MFSD2A: variants seen among roughly 807,000 people sequenced by gnomAD.
The protein encoded by MFSD2A is sodium-dependent lysophosphatidylcholine symporter 1.
In MFSD2A, 27 loss-of-function variants were observed where a neutral mutation model predicts 64.7. The observed-to-expected ratio is 0.42, with a 90% CI of 0.31 to 0.58. MFSD2A has a LOEUF of 0.58. MFSD2A is among the 20% of genes least tolerant of loss of function. The pLI is 0.18. For missense variants in MFSD2A, 474 were observed against 679.5 expected (o/e 0.70, Z 3.36); for synonymous variants, 258 against 273.4 (o/e 0.94, Z 0.55).
chr1:39,967,948 T>C (rs1645199879), intron 11 of MFSD2A, 32 bp downstream of exon 11: 2 of 1,399,726 alleles, frequency 1.4e-6, no homozygotes, highest in Non-Finnish European at 2.0e-6. Flanking sequence ...TCCTCGGGTA[T>C]CTCCAGCCCC....
chr1:39,966,074 T>C, intron 6 of MFSD2A, 60 bp downstream of exon 6: 8 of 1,586,570 alleles, frequency 5.0e-6, no homozygotes, highest in Non-Finnish European at 6.9e-6. Flanking sequence ...TGGTTTGTAG[T>C]CATCCTAAAG....
chr1:39,958,573 A>C lies in MFSD2A; in HGVS notation c.229-128A>C. ...AGGCAAGTGAAGATGTGTAAGGTCC[A>C]TGTGGGAGCAGCTCAGGGTCACAAG... On this transcript the variant is annotated intron_variant, in intron 2 of 13. Transcript: ENST00000372811. The surrounding 1 kb of genome is among the most constrained non-coding windows in gnomAD (Gnocchi z 4.7). 2 of 1,427,864 alleles carry C rather than the reference A, an allele frequency of 1.4e-6. No individual in the cohort carries two copies. The highest frequency in any genetic ancestry group is 2.0e-6 in the Non-Finnish European group (2 of 1,016,004). The allele number at this position is 1,427,864 out of a possible 1,614,324, so 88.4% of individuals were successfully genotyped here.
In MFSD2A at chr1:39,960,145, G is replaced by A. The variant is rs1478013958; in HGVS notation, c.353+1320G>A. On this transcript the variant is annotated intron_variant, in intron 3 of 13. Coordinates refer to ENST00000372811, the MANE Select transcript of MFSD2A (RefSeq NM_032793.5). This position sits in a 1 kb window ranked among gnomAD's most constrained non-coding sequence, Gnocchi z 4.8. ...GCAAAGTAGGCGGAGGTGGTGCCAC[G>A]GATCGGATCAGACGGCAGGGGAGAC... Among the ~76,000 whole-genome samples the A allele has an allele frequency of 3.3e-5, 5 of 152,346 alleles. No homozygotes were observed. Among genetic ancestry groups the A allele is most frequent in the African/African-American group, 9.6e-5 (4 of 41,590 alleles).
Position 39,958,877 on chromosome 1 carries a change from T to G in MFSD2A, c.353+52T>G, listed in dbSNP as rs1644979566. On this transcript the variant is annotated intron_variant, in intron 3 of 13. Transcript: ENST00000372811. This position sits in a 1 kb window ranked among gnomAD's most constrained non-coding sequence, Gnocchi z 4.7. Reference sequence around the variant, plus strand: ...GGCACAAGGCAGGACTTCCAGCATATCTGCTCCTTGGTCCTTCTCTCTGTC... The same window carrying G: ...GGCACAAGGCAGGACTTCCAGCATAGCTGCTCCTTGGTCCTTCTCTCTGTC... The G allele has an allele frequency of 2.0e-6, 3 of 1,527,304 alleles. No homozygotes were observed. The South Asian group carries it at 3.8e-5, about 19-fold the overall frequency. The allele number at this position is 1,527,304 out of a possible 1,614,324, so 94.6% of individuals were successfully genotyped here. A position where few individuals can be genotyped will look rare whatever the true frequency, so the allele number is the denominator to read the frequency against.
rs1292698431 is a variant in MFSD2A at position 39,963,000 on chromosome 1, C to T, written c.354-2211C>T. ...CTCCAAGGAGGTGGCCACCGCCATC[C>T]GTGGGGCCATCATCCTGGCCAAGCT... is the stretch of plus-strand genomic sequence containing the variant. On this transcript the variant is annotated intron_variant, in intron 3 of 13. Coordinates refer to ENST00000372811, the MANE Select transcript of MFSD2A (RefSeq NM_032793.5). The T allele has an allele frequency of 2.1e-5, 31 of 1,502,644 alleles. No individual in the cohort carries two copies. The Middle Eastern group carries it at 1.2e-3, about 59-fold the overall frequency. The allele number at this position is 1,502,644 out of a possible 1,614,324, so 93.1% of individuals were successfully genotyped here. A position where few individuals can be genotyped will look rare whatever the true frequency, so the allele number is the denominator to read the frequency against.
Position 39,963,812 on chromosome 1 carries a change from G to A in MFSD2A, c.354-1399G>A, listed in dbSNP as rs1159682486. Among the ~76,000 whole-genome samples the A allele has an allele frequency of 6.6e-6, 1 of 152,180 alleles. No homozygotes were observed. Among genetic ancestry groups the A allele is most frequent in the Non-Finnish European group, 1.5e-5 (1 of 68,024 alleles). ...TGCAGTGGTGCGATCTCGGCTCACT[G>A]CAACCTCTGCCTCCCGGGTTCAAGT... On this transcript the variant is annotated intron_variant, in intron 3 of 13. Coordinates refer to ENST00000372811, the MANE Select transcript of MFSD2A (RefSeq NM_032793.5). This position sits in a 1 kb window ranked among gnomAD's most constrained non-coding sequence, Gnocchi z 4.2.
In MFSD2A at chr1:39,960,668, G is replaced by C. The variant is rs1168017765; in HGVS notation, c.353+1843G>C. Among the ~76,000 whole-genome samples, 1 of 152,268 alleles carries C rather than the reference G, an allele frequency of 6.6e-6. No homozygotes were observed. Among genetic ancestry groups the C allele is most frequent in the Non-Finnish European group, 1.5e-5 (1 of 68,044 alleles). ...AGTTACACTGGGTTCCTCAGCAGCAGCTGCTCAGCTGCTTATGAGCAGAGG... is the reference window on the plus strand; with the variant it reads ...AGTTACACTGGGTTCCTCAGCAGCACCTGCTCAGCTGCTTATGAGCAGAGG... On this transcript the variant is annotated intron_variant, in intron 3 of 13. Transcript: ENST00000372811. This position sits in a 1 kb window ranked among gnomAD's most constrained non-coding sequence, Gnocchi z 4.8.
chr1:39,966,026 G>C lies in MFSD2A; in HGVS notation c.714+12G>C. The C allele has an allele frequency of 6.2e-7, 1 of 1,613,966 alleles. No homozygotes were observed. Among genetic ancestry groups the C allele is most frequent in the Non-Finnish European group, 8.5e-7 (1 of 1,179,862 alleles). Reference sequence around the variant, plus strand: ...CACACAGGGAAACGGTGAGGCCCTGGGCAGGGCAGGGATTTGGGGAGATAA... The same window carrying C: ...CACACAGGGAAACGGTGAGGCCCTGCGCAGGGCAGGGATTTGGGGAGATAA... On this transcript the variant is annotated intron_variant, in intron 6 of 13. Transcript: ENST00000372811.
At position 39,968,532 on chromosome 1, in the gene MFSD2A, C is replaced by T. The variant is rs375789993; in HGVS notation, c.1353-37C>T. 1 of 1,613,770 alleles carries T rather than the reference C, an allele frequency of 6.2e-7. No homozygotes were observed. Among genetic ancestry groups the T allele is most frequent in the Non-Finnish European group, 8.5e-7 (1 of 1,179,724 alleles). ...TGGGCAGGGCCAGGCCCCAGGTGCC[C>T]CATCTTCACCGTTCTCCTACCCCCT... is the stretch of plus-strand genomic sequence containing the variant. On this transcript the variant is annotated intron_variant, in intron 12 of 13. Transcript: ENST00000372811. This position sits in a 1 kb window ranked among gnomAD's most constrained non-coding sequence, Gnocchi z 4.4.
Position 39,969,508 on chromosome 1 carries a change from C to G in MFSD2A, c.1533C>G (p.Asp511Glu), listed in dbSNP as rs138442381. The change falls in exon 14 of 14, where the codon GAC becomes GAG. Residue 511 changes from aspartate (D) to glutamate (E), a missense_variant. By Grantham distance (45) the Asp-to-Glu change is conservative. Transcript: ENST00000372811. ...CCATCTCCTCTCTCTCTTGCAGGGA[C>G]GAGGCCAGCAGCTCTGGCTGCTCAG... ...QNKKALQALR[D>E]EASSSGCSET... The G allele has an allele frequency of 1.9e-6, 3 of 1,597,918 alleles. No homozygotes were observed. In the East Asian group the frequency reaches 6.9e-5, roughly 37 times the overall value.
chr1:39,965,793 G>T lies in MFSD2A; in HGVS notation c.557-64G>T. 6.3e-7 allele frequency: 1 copy of T among 1,597,102 alleles called. No individual in the cohort carries two copies. The highest frequency in any genetic ancestry group is 1.1e-5 in the South Asian group (1 of 89,468). The stretch of plus-strand genomic sequence containing the variant: ...GCTACCGCTGGGCTCCCACCCATTT[G>T]ACCTTCCTCCCTGGGCCCACAATCC... On this transcript the variant is annotated intron_variant, in intron 5 of 13. Transcript: ENST00000372811. This position sits in a 1 kb window ranked among gnomAD's most constrained non-coding sequence, Gnocchi z 5.5.
At position 39,968,235 on chromosome 1, in the gene MFSD2A, T is replaced by C. The variant is rs1338163397; in HGVS notation, c.1209-99T>C. ...GGTCCCATATCCTCACTGAGCTGTG[T>C]ACCCATGGTACTGCAAGCTTCCAGA... On this transcript the variant is annotated intron_variant, in intron 11 of 13. Transcript: ENST00000372811. The surrounding 1 kb of genome is among the most constrained non-coding windows in gnomAD (Gnocchi z 4.4). 1.5e-5 allele frequency: 22 copies of C among 1,429,008 alleles called. No homozygotes were observed. 88.5% of individuals were successfully genotyped at this position (1,429,008 alleles called of 1,614,324 possible). A position where few individuals can be genotyped will look rare whatever the true frequency, so the allele number is the denominator to read the frequency against.
chr1:39,962,305 CCT>C (rs1645061487), intron 3 of MFSD2A, among the ~76,000 whole-genome samples: 1 of 152,218 alleles, frequency 6.6e-6, no homozygotes, highest in African/African-American at 2.4e-5. Context: ...CCAACTCCCT[CCT>C]CTCATTCAGG....
At position 39,958,748 on chromosome 1, in the gene MFSD2A, G is replaced by A; in HGVS notation, c.276G>A (p.Trp92Ter). The A allele has an allele frequency of 6.2e-7, 1 of 1,614,072 alleles. No homozygotes were observed. Among genetic ancestry groups the A allele is most frequent in the Non-Finnish European group, 8.5e-7 (1 of 1,179,994 alleles). ...TCATCCTGTTTGTGGGCCGAGCCTGGGATGCCATCACAGACCCCCTGGTGG... is the reference window on the plus strand; with the variant it reads ...TCATCCTGTTTGTGGGCCGAGCCTGAGATGCCATCACAGACCCCCTGGTGG... ...ASIILFVGRA[W>*]DAITDPLVGL... The change falls in exon 3 of 14, where the codon TGG becomes TGA. Residue 92 changes from tryptophan to a stop codon, truncating the protein, a stop_gained. Coordinates refer to ENST00000372811, the MANE Select transcript of MFSD2A (RefSeq NM_032793.5). LOFTEE classifies it high-confidence loss of function. This position sits in a 1 kb window ranked among gnomAD's most constrained non-coding sequence, Gnocchi z 4.7.
Position 39,968,864 on chromosome 1 carries a change from T to C in MFSD2A, c.1529+119T>C. Reference sequence around the variant, plus strand: ...CCCACACATCTTCTCTGGACAGCTGTAACACTTAAGTACGCACCAGGCACT... The same window carrying C: ...CCCACACATCTTCTCTGGACAGCTGCAACACTTAAGTACGCACCAGGCACT... On this transcript the variant is annotated intron_variant, in intron 13 of 13. Coordinates refer to ENST00000372811, the MANE Select transcript of MFSD2A (RefSeq NM_032793.5). The surrounding 1 kb of genome is among the most constrained non-coding windows in gnomAD (Gnocchi z 4.4). 9.0e-7 allele frequency: 1 copy of C among 1,105,464 alleles called. No homozygotes were observed. Among genetic ancestry groups the C allele is most frequent in the Non-Finnish European group, 1.3e-6 (1 of 770,496 alleles). The allele number at this position is 1,105,464 out of a possible 1,614,324, so 68.5% of individuals were successfully genotyped here.
rs779586665 is a variant in MFSD2A, at chr1:39,968,311, A to C, written c.1209-23A>C. On this transcript the variant is annotated intron_variant, in intron 11 of 13. Coordinates refer to ENST00000372811, the MANE Select transcript of MFSD2A (RefSeq NM_032793.5). This position sits in a 1 kb window ranked among gnomAD's most constrained non-coding sequence, Gnocchi z 4.4. The stretch of plus-strand genomic sequence containing the variant: ...AGGCCCGTTAGGTGGGTCAGTCCTC[A>C]TGGCTGTCACTACTCTGCGCAGGTC... The C allele has an allele frequency of 6.2e-7, 1 of 1,614,004 alleles. No homozygotes were observed. Among genetic ancestry groups the C allele is most frequent in the South Asian group, 1.1e-5 (1 of 91,074 alleles).
At chr1:39,959,598 C>T (rs1332079497) in intron 3 of MFSD2A, among the ~76,000 whole-genome samples, 1 of 152,094 alleles carries the variant, frequency 6.6e-6, no homozygotes, top group African/African-American at 2.4e-5. Flanking sequence ...AGCTGAGTCA[C>T]TTCACATCTC....
chr1:39,961,983 T>C (rs922788311), intron 3 of MFSD2A, among the ~76,000 whole-genome samples: 1 of 152,246 alleles, frequency 6.6e-6, no homozygotes, highest in Non-Finnish European at 1.5e-5. Flanking sequence ...TAGTTACGCA[T>C]GCCAACTCTC....
rs1180909575 is a variant in MFSD2A at position 39,967,728 on chromosome 1, A to G, written c.1095+17A>G. ...GGGATCTCAGTGAGTGGGGTTGAAG[A>G]GCAGAGCCTGGGTTGAGTTGGGATG... On this transcript the variant is annotated intron_variant, in intron 10 of 13. Coordinates refer to ENST00000372811, the MANE Select transcript of MFSD2A (RefSeq NM_032793.5). The G allele has an allele frequency of 7.4e-6, 12 of 1,613,494 alleles. No individual in the cohort carries two copies. Among genetic ancestry groups the G allele is most frequent in the Non-Finnish European group, 1.0e-5 (12 of 1,179,584 alleles).
Sources: allele counts gnomAD v4.1 joint callset (sites outside exome capture counted in the v4.1 genomes callset), GRCh38; gene constraint gnomAD v4.1.1; non-coding constraint Gnocchi (gnomAD v3.1); transcripts MANE v1.5; gene names NCBI Gene and HGNC (gene_info 2026-07-23, HGNC 2026-07-21).